Variants in NTF3 observed in about 807,000 individuals in gnomAD.
NTF3 encodes neurotrophin 3.
Under a neutral mutation model 26.3 loss-of-function variants are expected in NTF3, and 8 were observed. That is an observed-to-expected ratio of 0.30 (90% CI 0.18 to 0.55). The LOEUF is 0.55. Among genes scored for constraint, NTF3 ranks in the 20% least tolerant of loss-of-function variants. The pLI, the probability that NTF3 is intolerant of heterozygous loss-of-function variation, is 0.93. For missense variants in NTF3, 276 were observed against 352.9 expected (o/e 0.78, Z 1.75); for synonymous variants, 154 against 145.5 (o/e 1.06, Z -0.42).
chr12:5,435,171 T>C (rs1364303204), intron 1 of NTF3, among the ~76,000 whole-genome samples: 3 of 152,202 alleles, frequency 2.0e-5, no homozygotes, highest in African/African-American at 7.2e-5. Flanking sequence ...TATCTGTGCC[T>C]GGTGTCAGGG....
chr12:5,435,841 C>T (rs778743992), intron 1 of NTF3, among the ~76,000 whole-genome samples: 10 of 151,984 alleles, frequency 6.6e-5, no homozygotes, highest in Non-Finnish European at 8.8e-5. Context: ...CATGCAGGTG[C>T]GTGCACATGC....
At chr12:5,438,846 C>G (rs898856857) in intron 1 of NTF3, among the ~76,000 whole-genome samples, 4 of 152,216 alleles carry the variant, frequency 2.6e-5, no homozygotes, top group African/African-American at 9.6e-5. Context: ...ATCTCCCAGT[C>G]CCATTCCAGC....
chr12:5,455,567 CACACACACACACACACAT>C (rs1453532480), intron 1 of NTF3, among the ~76,000 whole-genome samples: 124 of 146,750 alleles, frequency 8.4e-4, no homozygotes, highest in African/African-American at 2.3e-3. Flanking sequence ...CACACACACA[CACACACACACACACACAT>C]AGCCCCTGTG....
chr12:5,482,796 T>G (rs915757680), intron 1 of NTF3, among the ~76,000 whole-genome samples: 1 of 151,712 alleles, frequency 6.6e-6, no homozygotes, highest in African/African-American at 2.4e-5. Context: ...TCTGTTTCTC[T>G]CTGTATCGCT....
intron 1 of NTF3, among the ~76,000 whole-genome samples, chr12:5,469,054 G>A (rs548516551): frequency 5.1e-4 from 77 of 152,012 alleles, no homozygotes; most frequent in Middle Eastern, 3.2e-3. Flanking sequence ...CTAGGGGGTC[G>A]AGGCTGCAGT....
At chr12:5,432,494 T>C in intron 1 of NTF3, 152 bp downstream of exon 1, 1 of 416,280 alleles carries the variant, frequency 2.4e-6, no homozygotes, top group Non-Finnish European at 3.2e-6. Context: ...CCCGGGCTTG[T>C]GTCTTCCCCA....
chr12:5,467,997 C>A (rs558192384), intron 1 of NTF3, among the ~76,000 whole-genome samples: 1 of 152,272 alleles, frequency 6.6e-6, no homozygotes, highest in South Asian at 2.1e-4. Context: ...CCCTCCACCC[C>A]CCACATTTTC....
intron 1 of NTF3, among the ~76,000 whole-genome samples, chr12:5,435,397 G>A (rs1477845362): frequency 6.6e-6 from 1 of 152,188 alleles, no homozygotes; most frequent in Non-Finnish European, 1.5e-5. Flanking sequence ...AGAGCTCGAC[G>A]CTTGTTGAGG....
chr12:5,451,231 T>G (rs1447149568), intron 1 of NTF3, among the ~76,000 whole-genome samples: 1 of 152,234 alleles, frequency 6.6e-6, no homozygotes, highest in Non-Finnish European at 1.5e-5. Flanking sequence ...CATCCTACTG[T>G]GCCTCCTAAC....
At position 5,455,555 on chromosome 12, in the gene NTF3, C is replaced by A. The variant is rs796642616; in HGVS notation, c.18+23213C>A. 2.1e-4 allele frequency among the ~76,000 whole-genome samples: 29 copies of A among 140,370 alleles called. 1 individual carries two copies. In the South Asian group the frequency reaches 6.5e-3, roughly 31 times the overall value. The allele number at this position is 140,370 out of a possible 152,430, so 92.1% of individuals were successfully genotyped here. A position where few individuals can be genotyped will look rare whatever the true frequency, so the allele number is the denominator to read the frequency against. On this transcript the variant is annotated intron_variant, in intron 1 of 1. Coordinates refer to ENST00000423158, the MANE Select transcript of NTF3 (RefSeq NM_001102654.2). ...CCCAACACACACACACACACACACACACACACACACACACACACACACACA... is the reference window on the plus strand; with the variant it reads ...CCCAACACACACACACACACACACAAACACACACACACACACACACACACA...
intron 1 of NTF3, among the ~76,000 whole-genome samples, chr12:5,445,173 C>A (rs931150162): frequency 6.6e-6 from 1 of 152,046 alleles, no homozygotes; most frequent in African/African-American, 2.4e-5. Context: ...CATGGAAGAC[C>A]TTTTCATAGG....
intron 1 of NTF3, among the ~76,000 whole-genome samples, chr12:5,483,784 A>G (rs1312674166): frequency 2.0e-5 from 3 of 152,190 alleles, no homozygotes; most frequent in African/African-American, 7.2e-5. Flanking sequence ...ATGTGCAGGA[A>G]CATGGAGACC....
rs1281657883 is a variant in NTF3, at chr12:5,433,208, G to C, written c.18+866G>C. On this transcript the variant is annotated intron_variant, in intron 1 of 1. Transcript: ENST00000423158. The surrounding 1 kb of genome is among the most constrained non-coding windows in gnomAD (Gnocchi z 4.6). ...GCCCGCACATCTGGGACCCCTCCGG[G>C]GAGCGGCGGGCACCCGGGCCCGGCC... The C allele has an allele frequency of 1.3e-5, 2 of 152,306 alleles. No individual in the cohort carries two copies. Among genetic ancestry groups the C allele is most frequent in the Non-Finnish European group, 2.9e-5 (2 of 68,102 alleles). 9.4% of individuals were successfully genotyped at this position (152,306 alleles called of 1,614,324 possible). A position where few individuals can be genotyped will look rare whatever the true frequency, so the allele number is the denominator to read the frequency against.
intron 1 of NTF3, among the ~76,000 whole-genome samples, chr12:5,482,213 CG>C (rs1422249845): frequency 2.0e-5 from 3 of 152,224 alleles, no homozygotes; most frequent in Non-Finnish European, 2.9e-5. Context: ...TCCCACAAGA[CG>C]GGTACTGGCC....
intron 1 of NTF3, among the ~76,000 whole-genome samples, chr12:5,477,299 A>G (rs895576953): frequency 6.6e-6 from 1 of 152,232 alleles, no homozygotes; most frequent in Non-Finnish European, 1.5e-5. Flanking sequence ...TTATTTATGA[A>G]GTGGAATAAT....
At chr12:5,457,945 T>C (rs1243512593) in intron 1 of NTF3, among the ~76,000 whole-genome samples, 1 of 152,174 alleles carries the variant, frequency 6.6e-6, no homozygotes, top group Non-Finnish European at 1.5e-5. Context: ...GATCTCCTCG[T>C]CACCACTGCC....
chr12:5,475,903 AGAAAGAAAGAAAGAG>A (rs1940717691), intron 1 of NTF3, among the ~76,000 whole-genome samples: 1 of 135,962 alleles, frequency 7.4e-6, no homozygotes, highest in Admixed American at 7.3e-5. Flanking sequence ...AAAAAGAGAA[AGAAAGAAAGAAAGAG>A]AGAAAGAGAG....
intron 1 of NTF3, among the ~76,000 whole-genome samples, chr12:5,434,925 G>A (rs997454145): frequency 1.3e-5 from 2 of 152,052 alleles, no homozygotes; most frequent in Non-Finnish European, 2.9e-5. Flanking sequence ...GGGCATGTAG[G>A]GGGTAGAAAA....
At chr12:5,468,268 G>T in intron 1 of NTF3, among the ~76,000 whole-genome samples, 1 of 152,194 alleles carries the variant, frequency 6.6e-6, no homozygotes, top group Middle Eastern at 3.2e-3. Context: ...GAAAGAGAGA[G>T]ATGTTTTCCA....
Sources: gnomAD v4.1 joint callset for allele counts (sites outside exome capture counted in the v4.1 genomes callset) on GRCh38, gnomAD v4.1.1 for gene constraint, Gnocchi (gnomAD v3.1) non-coding constraint, MANE v1.5 for transcripts, NCBI Gene and HGNC (gene_info 2026-07-23, HGNC 2026-07-21) for gene names.